The following RIMS2 variants were observed in gnomAD, a reference collection of about 807,000 sequenced individuals.
RIMS2 encodes the protein regulating synaptic membrane exocytosis protein 2.
Under a neutral mutation model 174.4 loss-of-function variants are expected in RIMS2, and 59 were observed. That is an observed-to-expected ratio of 0.34 (90% CI 0.27 to 0.42). RIMS2 has a LOEUF of 0.42. Ranked by LOEUF, RIMS2 falls within the 10% of genes least tolerant of loss-of-function variation. The probability of loss-of-function intolerance (pLI) is 1.00; values close to 1 mark genes in which losing one functional copy is unlikely to be tolerated. For synonymous variants in RIMS2, 606 were observed against 572.5 expected, an observed-to-expected ratio of 1.06 and a Z score of -0.84; for missense variants, 1,620 against 1,666.3, an observed-to-expected ratio of 0.97 and a Z score of 0.48.
At chr8:103,648,946 G>A (rs1383855972) in intron 1 of RIMS2, among the ~76,000 whole-genome samples, 1 of 152,128 alleles carries the variant, frequency 6.6e-6, no homozygotes, top group Non-Finnish European at 1.5e-5. Context: ...TATATTTAAG[G>A]TTAGTATTGT....
chr8:104,203,812 A>G (rs2099067074), intron 19 of RIMS2, among the ~76,000 whole-genome samples: 1 of 152,048 alleles, frequency 6.6e-6, no homozygotes, highest in African/African-American at 2.4e-5. Context: ...TCTACTTTTT[A>G]TTTCTTTTAA....
chr8:104,060,426 T>C (rs2154560267), intron 19 of RIMS2, among the ~76,000 whole-genome samples: 1 of 152,278 alleles, frequency 6.6e-6, no homozygotes, highest in East Asian at 1.9e-4. Context: ...ATCCCCTTTA[T>C]CATTTTTATT....
chr8:103,955,084 T>A (rs1001726474), intron 14 of RIMS2, among the ~76,000 whole-genome samples: 3 of 151,984 alleles, frequency 2.0e-5, no homozygotes, highest in Admixed American at 1.3e-4. Context: ...CAATAACAAG[T>A]TCTGAAATTG....
chr8:104,028,165 G>T (rs1222039114), intron 19 of RIMS2, among the ~76,000 whole-genome samples: 1 of 151,726 alleles, frequency 6.6e-6, no homozygotes, highest in Non-Finnish European at 1.5e-5. Context: ...AACCTATGTT[G>T]TCCAGGCTGG....
intron 17 of RIMS2, among the ~76,000 whole-genome samples, chr8:103,995,084 T>C (rs2094989787): frequency 7.9e-5 from 12 of 152,144 alleles, no homozygotes; most frequent in Admixed American, 7.9e-4. Context: ...ATGTATACTT[T>C]TTTAAATATT....
At chr8:103,520,063 T>C (rs920343818) in intron 1 of RIMS2, among the ~76,000 whole-genome samples, 1 of 152,128 alleles carries the variant, frequency 6.6e-6, no homozygotes, top group Non-Finnish European at 1.5e-5. Flanking sequence ...TAGTCAACTC[T>C]GGGTCATATC....
chr8:104,020,728 T>C (rs1172173678), intron 19 of RIMS2, among the ~76,000 whole-genome samples: 1 of 151,946 alleles, frequency 6.6e-6, no homozygotes, highest in Non-Finnish European at 1.5e-5. Context: ...AAGTAGAAGT[T>C]TAAAGTAGAA....
intron 3 of RIMS2, among the ~76,000 whole-genome samples, chr8:103,861,709 T>G (rs2099059863): frequency 6.6e-6 from 1 of 152,172 alleles, no homozygotes; most frequent in Non-Finnish European, 1.5e-5. Flanking sequence ...GTGGTTTTAT[T>G]TTGCATTTCT....
Position 103,614,374 on chromosome 8 carries a change from C to T in RIMS2, c.177-82712C>T, listed in dbSNP as rs147361452. On this transcript the variant is annotated intron_variant, in intron 1 of 23. Coordinates refer to ENST00000504942, the Ensembl canonical transcript of RIMS2. The stretch of plus-strand genomic sequence containing the variant: ...CACTATGCTCTCCCTTCCCTAAGTG[C>T]ACAGACTCTGTGCTGCATGGCCTTT... Among the ~76,000 whole-genome samples the T allele has an allele frequency of 2.2e-3, 341 of 152,376 alleles. 1 individual carries two copies. Among genetic ancestry groups the T allele is most frequent in the African/African-American group, 8.0e-3 (332 of 41,596 alleles).
chr8:104,078,162 C>A (rs1179397938), intron 19 of RIMS2, among the ~76,000 whole-genome samples: 13 of 137,174 alleles, frequency 9.5e-5, no homozygotes, highest in African/African-American at 2.6e-4. Context: ...AAAAAACAAA[C>A]CAAAAAAAAA....
At chr8:103,942,885 G>A (rs1190217503) in exon 14 of RIMS2, 5 of 1,613,282 alleles carry the variant, frequency 3.1e-6, no homozygotes, top group African/African-American at 1.3e-5. Flanking sequence ...TATATGCCAC[G>A]AAGACAGCTC....
At chr8:103,803,171 A>C (rs1564695265) in intron 3 of RIMS2, among the ~76,000 whole-genome samples, 1 of 152,170 alleles carries the variant, frequency 6.6e-6, no homozygotes, top group Admixed American at 6.6e-5. Context: ...GGTGGGGAAT[A>C]AAGTTTTATA....
chr8:103,737,487 T>G (rs1029904735), intron 2 of RIMS2, among the ~76,000 whole-genome samples: 72 of 152,078 alleles, frequency 4.7e-4, no homozygotes, highest in Non-Finnish European at 2.2e-4. Flanking sequence ...GTGCCCAGCC[T>G]GGAATAACTT....
intron 10 of RIMS2, among the ~76,000 whole-genome samples, chr8:103,925,861 T>C (rs1376413869): frequency 6.6e-6 from 1 of 151,586 alleles, no homozygotes; most frequent in East Asian, 1.9e-4. Flanking sequence ...AACACAGTAA[T>C]TGCCACTGAA....
intron 1 of RIMS2, among the ~76,000 whole-genome samples, chr8:103,659,524 C>T (rs561431238): frequency 2.4e-4 from 36 of 152,258 alleles, no homozygotes; most frequent in African/African-American, 5.5e-4. Context: ...ATGTTGGAGC[C>T]GGCCCCGGAG....
intron 19 of RIMS2, among the ~76,000 whole-genome samples, chr8:104,033,261 A>G (rs1208282345): frequency 1.3e-5 from 2 of 151,928 alleles, no homozygotes; most frequent in African/African-American, 4.8e-5. Context: ...ATATTTAAGG[A>G]TATTTTTAAG....
chr8:103,651,037 CTG>C (rs2096442460), intron 1 of RIMS2, among the ~76,000 whole-genome samples: 1 of 152,196 alleles, frequency 6.6e-6, no homozygotes, highest in Admixed American at 6.5e-5. Flanking sequence ...TCCTGGGTCT[CTG>C]TGTGTGTCTA....
intron 19 of RIMS2, 81 bp downstream of exon 21, chr8:104,014,696 G>A (rs1373002878): frequency 5.4e-6 from 4 of 743,410 alleles, no homozygotes; most frequent in Non-Finnish European, 9.2e-6. Flanking sequence ...TTACCTTTGT[G>A]TTAATTTTCT....
intron 17 of RIMS2, among the ~76,000 whole-genome samples, chr8:103,990,569 A>G (rs1298788724): frequency 6.6e-6 from 1 of 152,084 alleles, no homozygotes; most frequent in East Asian, 1.9e-4. Context: ...GATGCTTATC[A>G]AGTACAATAC....
Sources: gnomAD v4.1 joint callset for allele counts (sites outside exome capture counted in the v4.1 genomes callset) on GRCh38, gnomAD v4.1.1 for gene constraint, MANE v1.5 for transcripts, NCBI Gene and HGNC (gene_info 2026-07-23, HGNC 2026-07-21) for gene names.